SAG: variants seen among roughly 807,000 people sequenced by gnomAD.
SAG encodes S-arrestin.
SAG carries 45 observed loss-of-function variants against 55.0 expected under a neutral mutation model. The ratio of observed to expected loss-of-function variants is 0.82; its 90% CI spans 0.64 to 1.05. The LOEUF is 1.05. SAG is among the 50% of genes least tolerant of loss of function. The pLI, the probability that SAG is intolerant of heterozygous loss-of-function variation, is 0.00. For synonymous variants in SAG, 189 were observed against 197.4 expected (o/e 0.96, Z 0.36); for missense variants, 455 against 512.1 (o/e 0.89, Z 1.08).
chr2:233,327,027 C>T (rs1700579710), intron 6 of SAG, 94 bp from the exon 7 acceptor site: 1 of 892,786 alleles, frequency 1.1e-6, no homozygotes, highest in Non-Finnish European at 1.9e-6. Context: ...GAGATAGTGC[C>T]ACATCATGTG....
Position 233,323,012 on chromosome 2 carries a change from T to G in SAG, c.435+7T>G. ...TCCACAAGATTCAGGGAAGGTTAGTTCAAGAAGAAATGCCATGGTTTTATG... is the reference window on the plus strand; with the variant it reads ...TCCACAAGATTCAGGGAAGGTTAGTGCAAGAAGAAATGCCATGGTTTTATG... On this transcript the variant is annotated splice_region_variant and intron_variant, in intron 6 of 15. Transcript: ENST00000409110. 6.5e-7 allele frequency: 1 copy of G among 1,540,032 alleles called. No homozygotes were observed.
At chr2:233,331,181 A>C (rs1208192488) in intron 9 of SAG, among the ~76,000 whole-genome samples, 3 of 152,222 alleles carry the variant, frequency 2.0e-5, no homozygotes, top group Non-Finnish European at 4.4e-5. Flanking sequence ...CTTAGAATAG[A>C]TAAATAATTC....
intron 3 of SAG, among the ~76,000 whole-genome samples, chr2:233,316,932 G>A (rs1344483779): frequency 1.3e-5 from 2 of 152,146 alleles, no homozygotes; most frequent in Non-Finnish European, 2.9e-5. Flanking sequence ...CGAGATCTTG[G>A]CTCACTGCAA....
At chr2:233,309,786 T>C (rs919647025) in intron 2 of SAG, among the ~76,000 whole-genome samples, 6 of 152,246 alleles carry the variant, frequency 3.9e-5, no homozygotes, top group Non-Finnish European at 8.8e-5. Flanking sequence ...ATCAAGACTT[T>C]AGTCCTGTGT....
chr2:233,328,472 C>T lies in SAG; in HGVS notation c.513-6C>T. ...TCCCTGGCTTGTCTGTGGCTGTTTCCCACAGGAGCTCCGTGCGATTACTGA... is the reference window on the plus strand; with the variant it reads ...TCCCTGGCTTGTCTGTGGCTGTTTCTCACAGGAGCTCCGTGCGATTACTGA... On this transcript the variant is annotated splice_region_variant and splice_polypyrimidine_tract_variant and intron_variant, in intron 7 of 15. Transcript: ENST00000409110. 3.1e-6 allele frequency: 5 copies of T among 1,610,914 alleles called. No homozygotes were observed. Among genetic ancestry groups the T allele is most frequent in the Non-Finnish European group, 3.4e-6 (4 of 1,177,522 alleles).
At chr2:233,311,175 C>T (rs1453444174) in intron 2 of SAG, among the ~76,000 whole-genome samples, 1 of 152,138 alleles carries the variant, frequency 6.6e-6, no homozygotes, top group Non-Finnish European at 1.5e-5. Context: ...ATTTTGCCAG[C>T]GATGTCTGTG....
intron 4 of SAG, 120 bp downstream of exon 4, chr2:233,318,915 C>G: frequency 1.2e-6 from 1 of 864,546 alleles, no homozygotes; most frequent in Non-Finnish European, 2.0e-6. Context: ...AGCGCTCTTG[C>G]ACATGGAACC....
chr2:233,309,539 G>A (rs1321936169), intron 2 of SAG, among the ~76,000 whole-genome samples: 1 of 152,192 alleles, frequency 6.6e-6, no homozygotes, highest in South Asian at 2.1e-4. Context: ...CCCAGACTTG[G>A]GAGGCTGAGG....
intron 2 of SAG, among the ~76,000 whole-genome samples, chr2:233,312,149 C>T (rs968211102): frequency 9.2e-5 from 14 of 152,138 alleles, no homozygotes; most frequent in Non-Finnish European, 1.8e-4. Context: ...AAATAAGTAC[C>T]GACCTCATGC....
chr2:233,346,738 C>A, intron 15 of SAG, 69 bp from the exon 16 acceptor site: 3 of 1,079,148 alleles, frequency 2.8e-6, no homozygotes, highest in East Asian at 5.1e-5. Flanking sequence ...GCAAAAAGAT[C>A]AAGGATCTTG....
chr2:233,317,086 T>A (rs933791493), intron 3 of SAG, among the ~76,000 whole-genome samples: 4 of 152,158 alleles, frequency 2.6e-5, no homozygotes, highest in African/African-American at 9.7e-5. Flanking sequence ...GGTCTTGAAC[T>A]CCTGAGCTCA....
At chr2:233,336,569 C>A (rs1206046592) in intron 11 of SAG, among the ~76,000 whole-genome samples, 2 of 151,328 alleles carry the variant, frequency 1.3e-5, no homozygotes, top group Non-Finnish European at 2.9e-5. Flanking sequence ...ACTCTCCACA[C>A]CTCCATGAGG....
chr2:233,328,237 G>A (rs923906218), intron 7 of SAG: 12 of 438,224 alleles, frequency 2.7e-5, no homozygotes, highest in South Asian at 5.0e-5. Context: ...CTTGGCCCTC[G>A]GGATGTTGCC....
At chr2:233,328,391 C>T in intron 7 of SAG, 87 bp from the exon 8 acceptor site, 2 of 1,478,964 alleles carry the variant, frequency 1.4e-6, no homozygotes, top group Non-Finnish European at 1.8e-6. Flanking sequence ...CCTGGAGAAT[C>T]TCCATGTGAC....
At position 233,320,670 on chromosome 2, in the gene SAG, G is replaced by C. The variant is rs1425754052; in HGVS notation, c.222G>C (p.Glu74Asp). The C allele has an allele frequency of 1.2e-6, 2 of 1,606,762 alleles. No homozygotes were observed. Among genetic ancestry groups the C allele is most frequent in the African/African-American group, 1.3e-5 (1 of 74,778 alleles). ...TLTCAFRYGQ[E>D]DIDVIGLTFR... ...CCTGCGCCTTCCGCTATGGCCAAGAGGACATTGACGTGATCGGCTTGACCT... is the reference window on the plus strand; with the variant it reads ...CCTGCGCCTTCCGCTATGGCCAAGACGACATTGACGTGATCGGCTTGACCT... Residue 74 changes from glutamate (E) to aspartate (D), a missense_variant, in exon 5 of 16, where the codon GAG becomes GAC. By Grantham distance (45) the Glu-to-Asp change is conservative. Coordinates refer to ENST00000409110, the MANE Select transcript of SAG (RefSeq NM_000541.5).
intron 6 of SAG, among the ~76,000 whole-genome samples, chr2:233,326,510 G>A (rs1254282864): frequency 5.9e-5 from 9 of 151,798 alleles, no homozygotes; most frequent in African/African-American, 2.2e-4. Flanking sequence ...GCTTGAACTC[G>A]GGAGGCGGAG....
chr2:233,315,194 G>T (rs1216581596), intron 2 of SAG, among the ~76,000 whole-genome samples: 1 of 146,910 alleles, frequency 6.8e-6, no homozygotes, highest in East Asian at 1.9e-4. Context: ...TCAGTGCGTG[G>T]CTTTAGGTCT....
In SAG at chr2:233,342,296, C is replaced by T. The variant is rs988824134; in HGVS notation, c.1072C>T (p.Arg358Cys). The T allele has an allele frequency of 2.3e-5, 37 of 1,608,816 alleles. No individual in the cohort carries two copies. Among genetic ancestry groups the T allele is most frequent in the South Asian group, 1.1e-4 (10 of 90,008 alleles). Residue 358 changes from arginine to cysteine, a missense_variant, in exon 14 of 16, where the codon CGC (arginine) becomes TGC (cysteine). Coordinates refer to ENST00000409110, the MANE Select transcript of SAG (RefSeq NM_000541.5). The part of the protein sequence containing the change: ...SSEVATEVPF[R>C]LMHPQPEDPA... The stretch of plus-strand genomic sequence containing the variant: ...TGAAGTCGCCACTGAGGTCCCATTC[C>T]GCCTCATGCACCCTCAGCCTGAGGA...
rs1170753319 is a variant in SAG, at chr2:233,346,400, C to G, written c.1103-3C>G. Reference sequence around the variant, plus strand: ...CTGCCTCCCTTTTATTCCATGCTTACAGCTAAGGAAAGGTGAGTGAGCCTC... The same window carrying G: ...CTGCCTCCCTTTTATTCCATGCTTAGAGCTAAGGAAAGGTGAGTGAGCCTC... On this transcript the variant is annotated splice_region_variant and splice_polypyrimidine_tract_variant and intron_variant, in intron 14 of 15. Coordinates refer to ENST00000409110, the MANE Select transcript of SAG (RefSeq NM_000541.5). The G allele has an allele frequency of 6.2e-7, 1 of 1,613,654 alleles. No homozygotes were observed. Among genetic ancestry groups the G allele is most frequent in the Non-Finnish European group, 8.5e-7 (1 of 1,179,680 alleles).
Sources: allele counts gnomAD v4.1 joint callset (sites outside exome capture counted in the v4.1 genomes callset), GRCh38; gene constraint gnomAD v4.1.1; transcripts MANE v1.5; gene names NCBI Gene and HGNC (gene_info 2026-07-23, HGNC 2026-07-21).